The following TRERF1 variants were observed in gnomAD, a reference collection of about 807,000 sequenced individuals.
TRERF1 encodes the protein transcriptional-regulating factor 1.
In TRERF1, 27 loss-of-function variants were observed where a neutral mutation model predicts 122.9. That is an observed-to-expected ratio of 0.22 (90% CI 0.16 to 0.30). The LOEUF is 0.30. Among genes scored for constraint, TRERF1 ranks in the 10% least tolerant of loss-of-function variants. The pLI is 1.00. For synonymous variants in TRERF1, 636 were observed against 641.7 expected (o/e 0.99, Z 0.13); for missense variants, 1,248 against 1,560.3 (o/e 0.80, Z 3.37).
intron 3 of TRERF1, among the ~76,000 whole-genome samples, chr6:42,333,886 A>G (rs941630998): frequency 1.3e-5 from 2 of 152,146 alleles, no homozygotes; most frequent in Non-Finnish European, 2.9e-5. Flanking sequence ...TCTGGTCATC[A>G]AGAAATGGAA....
chr6:42,362,332 A>C (rs1771924283), intron 3 of TRERF1, among the ~76,000 whole-genome samples: 2 of 152,248 alleles, frequency 1.3e-5, no homozygotes, highest in South Asian at 4.1e-4. Flanking sequence ...CACACACCGA[A>C]ATAATCAAAT....
At chr6:42,411,035 T>C (rs2151449857) in intron 2 of TRERF1, among the ~76,000 whole-genome samples, 1 of 152,254 alleles carries the variant, frequency 6.6e-6, no homozygotes. Context: ...GGGGACAGCC[T>C]AGAACAAAAT....
intron 3 of TRERF1, among the ~76,000 whole-genome samples, chr6:42,313,106 C>G (rs562658444): frequency 1.3e-5 from 2 of 152,234 alleles, no homozygotes; most frequent in South Asian, 4.2e-4. Context: ...GGGGAACCAG[C>G]AGAAGTTTTG....
At chr6:42,281,424 C>T (rs1476651282) in intron 4 of TRERF1, among the ~76,000 whole-genome samples, 1 of 152,126 alleles carries the variant, frequency 6.6e-6, no homozygotes, top group Non-Finnish European at 1.5e-5. Flanking sequence ...ATATCCAGTT[C>T]CATAGAAACA....
chr6:42,287,580 A>T (rs1377614884), intron 4 of TRERF1, among the ~76,000 whole-genome samples: 1 of 152,002 alleles, frequency 6.6e-6, no homozygotes. Context: ...AAACTTTCAC[A>T]CGTCCCCCCT....
At chr6:42,302,105 C>T (rs923022119) in intron 3 of TRERF1, among the ~76,000 whole-genome samples, 1 of 152,142 alleles carries the variant, frequency 6.6e-6, no homozygotes, top group Non-Finnish European at 1.5e-5. Flanking sequence ...ATGGCAACCC[C>T]GCCTGAAGCT....
intron 4 of TRERF1, among the ~76,000 whole-genome samples, chr6:42,272,697 C>T (rs73733142): frequency 0.015 from 2,311 of 152,256 alleles, 68 homozygotes; most frequent in African/African-American, 0.051. Flanking sequence ...ATAAGAGAAA[C>T]ATTCCCTGTC....
chr6:42,435,840 C>T (rs995032332), intron 2 of TRERF1, among the ~76,000 whole-genome samples: 4 of 150,782 alleles, frequency 2.7e-5, no homozygotes, highest in Non-Finnish European at 4.4e-5. Flanking sequence ...GTTAGCTAGG[C>T]GTGGTGGGGG....
chr6:42,249,574 GCT>G (rs1003970917), intron 13 of TRERF1, among the ~76,000 whole-genome samples: 8 of 152,200 alleles, frequency 5.3e-5, no homozygotes, highest in African/African-American at 1.9e-4. Context: ...TAAGACTGCT[GCT>G]CTGTCATAGG....
At chr6:42,416,254 C>A (rs1781820303) in intron 2 of TRERF1, among the ~76,000 whole-genome samples, 3 of 152,078 alleles carry the variant, frequency 2.0e-5, no homozygotes. Flanking sequence ...TTATCCCCAC[C>A]AGAACAAGGT....
rs1305352199 is a variant in TRERF1 at position 42,259,609 on chromosome 6, G to A, written c.1999C>T (p.Pro667Ser). 6.2e-7 allele frequency: 1 copy of A among 1,613,704 alleles called. No homozygotes were observed. Among genetic ancestry groups the A allele is most frequent in the Admixed American group, 1.7e-5 (1 of 60,012 alleles). The change falls in exon 9 of 18, where the codon CCC becomes TCC. Residue 667 changes from proline (P) to serine (S), a missense_variant. Physicochemically the swap from Pro to Ser is moderately conservative, Grantham distance 74 (BLOSUM62 -1). Transcript: ENST00000372922. This position sits in a 1 kb window ranked among gnomAD's most constrained non-coding sequence, Gnocchi z 4.9. ...GCAGCGGGGTTCGGGTTGTAGGAGG[G>A]CGGCGGCGGGATGAAGAGAGGTTCC... is the stretch of plus-strand genomic sequence containing the variant.
At position 42,427,554 on chromosome 6, in the gene TRERF1, CTTT is replaced by C. The variant is rs11313717; in HGVS notation, c.-454+23620_-454+23622del. On this transcript the variant is annotated intron_variant, in intron 2 of 17. Transcript: ENST00000372922. ...GTGTGAGCCACCTTGCCCTGCCTTA[CTTT>C]TTTTTTTTTTTGAGACGAGGTCTCA... Among the ~76,000 whole-genome samples, 14 of 143,016 alleles carry C rather than the reference CTTT, an allele frequency of 9.8e-5. No homozygotes were observed. The East Asian group carries it at 2.3e-3, about 23-fold the overall frequency. The allele number at this position is 143,016 out of a possible 152,430, so 93.8% of individuals were successfully genotyped here.
At chr6:42,329,415 A>C (rs1764851032) in intron 3 of TRERF1, among the ~76,000 whole-genome samples, 1 of 152,056 alleles carries the variant, frequency 6.6e-6, no homozygotes, top group South Asian at 2.1e-4. Context: ...TCCAGCCAGC[A>C]GCTCCCAGGT....
chr6:42,310,572 T>C (rs907753230), intron 3 of TRERF1, among the ~76,000 whole-genome samples: 1 of 152,094 alleles, frequency 6.6e-6, no homozygotes, highest in African/African-American at 2.4e-5. Context: ...ATCTAATGGG[T>C]AGAGGCCACG....
Position 42,269,076 on chromosome 6 carries a change from A to G in TRERF1, c.515T>C (p.Val172Ala). 4 of 1,614,176 alleles carry G rather than the reference A, an allele frequency of 2.5e-6. No homozygotes were observed. Among genetic ancestry groups the G allele is most frequent in the Non-Finnish European group, 3.4e-6 (4 of 1,180,016 alleles). ...AGCACTGTCAGGGGCTCCATCCATC[A>G]CTGCTGACTGAGTGTGCAGCACCTG... Residue 172 changes from valine to alanine, a missense_variant, in exon 5 of 18, where the codon GTG (valine) becomes GCG (alanine). Val to Ala is a moderately conservative substitution (Grantham distance 64, BLOSUM62 0). Around this residue, in one of 5 missense-constraint regions of TRERF1, gnomAD observed 946 missense variants for 1,073.0 expected, o/e 0.88. Coordinates refer to ENST00000372922, the Ensembl canonical transcript of TRERF1. The surrounding 1 kb of genome is among the most constrained non-coding windows in gnomAD (Gnocchi z 4.9).
intron 13 of TRERF1, among the ~76,000 whole-genome samples, chr6:42,252,800 C>A (rs1284416589): frequency 6.6e-6 from 1 of 152,196 alleles, no homozygotes; most frequent in Admixed American, 6.5e-5. Flanking sequence ...GACCTCTGCC[C>A]TTTTTGCTCA....
Position 42,258,320 on chromosome 6 carries a change from C to T in TRERF1, c.2270-119G>A, listed in dbSNP as rs566323224. The T allele has an allele frequency of 1.1e-4, 90 of 844,634 alleles. No homozygotes were observed. In the African/African-American group the frequency reaches 1.1e-3, roughly 10 times the overall value. 52.3% of individuals were successfully genotyped at this position (844,634 alleles called of 1,614,324 possible). A position where few individuals can be genotyped will look rare whatever the true frequency, so the allele number is the denominator to read the frequency against. On this transcript the variant is annotated intron_variant, in intron 9 of 17. Transcript: ENST00000372922. Reference sequence around the variant, plus strand: ...AGCTTCTCTCCTACCCAGCTCCTGCCAGAGTTATCCTTGACAGTTTCCAGG... The same window carrying T: ...AGCTTCTCTCCTACCCAGCTCCTGCTAGAGTTATCCTTGACAGTTTCCAGG...
At chr6:42,324,621 T>C (rs1763979058) in intron 3 of TRERF1, among the ~76,000 whole-genome samples, 1 of 152,124 alleles carries the variant, frequency 6.6e-6, no homozygotes, top group African/African-American at 2.4e-5. Flanking sequence ...CAACTGATCT[T>C]CAACAAAGTC....
chr6:42,451,851 G>T (rs1788608509), intron 1 of TRERF1, among the ~76,000 whole-genome samples: 1 of 151,536 alleles, frequency 6.6e-6, no homozygotes, highest in Non-Finnish European at 1.5e-5. Flanking sequence ...GGCTGCGCGC[G>T]TGCATCCACC....
Sources: gnomAD v4.1 joint callset for allele counts (sites outside exome capture counted in the v4.1 genomes callset) on GRCh38, gnomAD v4.1.1 for gene constraint, gnomAD v4.1.1 regional missense constraint, Gnocchi (gnomAD v3.1) non-coding constraint, MANE v1.5 for transcripts, NCBI Gene and HGNC (gene_info 2026-07-23, HGNC 2026-07-21) for gene names.